Variants in ERBB4 observed in about 807,000 individuals in gnomAD.
The protein encoded by ERBB4 is erb-b2 receptor tyrosine kinase 4.
ERBB4 carries 42 observed loss-of-function variants against 158.0 expected under a neutral mutation model. That is an observed-to-expected ratio of 0.27 (90% CI 0.21 to 0.34). The LOEUF (loss-of-function observed/expected upper bound fraction) is 0.34, where lower values mean the gene tolerates loss of function less well. Ranked by LOEUF, ERBB4 falls within the 10% of genes least tolerant of loss-of-function variation. The probability of loss-of-function intolerance (pLI) is 1.00; values close to 1 mark genes in which losing one functional copy is unlikely to be tolerated. For missense variants in ERBB4, 1,333 were observed against 1,624.1 expected, an observed-to-expected ratio of 0.82 and a Z score of 3.08; for synonymous variants, 583 against 558.7, an observed-to-expected ratio of 1.04 and a Z score of -0.61.
At chr2:211,599,601 G>A (rs958646537) in intron 19 of ERBB4, among the ~76,000 whole-genome samples, 5 of 149,586 alleles carry the variant, frequency 3.3e-5, no homozygotes, top group African/African-American at 1.2e-4. Flanking sequence ...GCATGCAGTT[G>A]TTAAATGTCT....
intron 2 of ERBB4, among the ~76,000 whole-genome samples, chr2:211,973,363 G>C (rs1356257102): frequency 6.6e-6 from 1 of 151,914 alleles, no homozygotes; most frequent in Non-Finnish European, 1.5e-5. Flanking sequence ...CACCACACCT[G>C]GCTAATTTTT....
intron 20 of ERBB4, among the ~76,000 whole-genome samples, chr2:211,511,685 GATCAT>G (rs1328438892): frequency 6.6e-6 from 1 of 151,766 alleles, no homozygotes; most frequent in African/African-American, 2.4e-5. Flanking sequence ...GTTTAATTGT[GATCAT>G]ATCAAAAAAG....
chr2:212,003,447 G>A (rs2076187249), intron 2 of ERBB4, among the ~76,000 whole-genome samples: 1 of 151,766 alleles, frequency 6.6e-6, no homozygotes, highest in South Asian at 2.1e-4. Context: ...GAGATACAGA[G>A]AACACAAGGC....
At chr2:211,976,482 T>C (rs1410085151) in intron 2 of ERBB4, among the ~76,000 whole-genome samples, 4 of 152,074 alleles carry the variant, frequency 2.6e-5, no homozygotes, top group African/African-American at 9.7e-5. Flanking sequence ...TATCATAGAG[T>C]TCCTACAACT....
In ERBB4 at chr2:211,745,074, A is replaced by C. The variant is rs533257458; in HGVS notation, c.622+5565T>G. Reference sequence around the variant, plus strand: ...CATAGCATGTTTTCTGATTTTTTAAAAGTTAAGTCAGGGTCAGATATAAGT... The same window carrying C: ...CATAGCATGTTTTCTGATTTTTTAACAGTTAAGTCAGGGTCAGATATAAGT... On this transcript the variant is annotated intron_variant, in intron 5 of 27. Transcript: ENST00000342788. Among the ~76,000 whole-genome samples the C allele has an allele frequency of 4.6e-5, 7 of 152,318 alleles. No individual in the cohort carries two copies. The South Asian group carries it at 1.4e-3, about 32-fold the overall frequency.
intron 2 of ERBB4, among the ~76,000 whole-genome samples, chr2:212,009,189 A>C (rs966971522): frequency 6.6e-6 from 1 of 152,112 alleles, no homozygotes; most frequent in African/African-American, 2.4e-5. Context: ...CCTGGAACCC[A>C]TGAATGTGAT....
intron 1 of ERBB4, among the ~76,000 whole-genome samples, chr2:212,273,008 G>A (rs1021030203): frequency 2.6e-5 from 4 of 151,412 alleles, no homozygotes; most frequent in Non-Finnish European, 5.9e-5. Context: ...ATTTCTATAA[G>A]GGTACACACT....
At chr2:212,347,253 GTA>G (rs1361676793) in intron 1 of ERBB4, among the ~76,000 whole-genome samples, 2 of 152,064 alleles carry the variant, frequency 1.3e-5, no homozygotes, top group Non-Finnish European at 2.9e-5. Flanking sequence ...AATCTTCAAC[GTA>G]TAAATTATGA....
intron 1 of ERBB4, among the ~76,000 whole-genome samples, chr2:212,451,147 T>A (rs764686841): frequency 6.6e-6 from 1 of 152,096 alleles, no homozygotes; most frequent in Non-Finnish European, 1.5e-5. Context: ...CTCAGTCCAG[T>A]TGGGGAGAAG....
intron 3 of ERBB4, among the ~76,000 whole-genome samples, chr2:211,884,896 T>G (rs2078756617): frequency 6.6e-6 from 1 of 152,158 alleles, no homozygotes; most frequent in South Asian, 2.1e-4. Flanking sequence ...TATAATAAAA[T>G]TAGAGTCAAC....
intron 1 of ERBB4, among the ~76,000 whole-genome samples, chr2:212,324,871 T>TG (rs11428602): frequency 0.69 from 103,581 of 149,812 alleles, 37,569 homozygotes; most frequent in Non-Finnish European, 0.75. Flanking sequence ...ATATTCAGTA[T>TG]GCTCAAAAAT....
At chr2:211,984,749 T>A (rs1465315524) in intron 2 of ERBB4, among the ~76,000 whole-genome samples, 1 of 152,174 alleles carries the variant, frequency 6.6e-6, no homozygotes, top group Non-Finnish European at 1.5e-5. Flanking sequence ...ATTTTTTCTT[T>A]TTTTTTAGAT....
At chr2:212,411,436 C>CA (rs2091496898) in intron 1 of ERBB4, among the ~76,000 whole-genome samples, 1 of 152,104 alleles carries the variant, frequency 6.6e-6, no homozygotes, top group African/African-American at 2.4e-5. Flanking sequence ...TCAAAATAAT[C>CA]AATACACGTA....
intron 1 of ERBB4, among the ~76,000 whole-genome samples, chr2:212,432,768 T>C (rs933362078): frequency 1.3e-5 from 2 of 152,108 alleles, no homozygotes; most frequent in African/African-American, 2.4e-5. Flanking sequence ...GAAAACTCTT[T>C]TAAAGAACGA....
intron 20 of ERBB4, among the ~76,000 whole-genome samples, chr2:211,490,984 T>C (rs190179512): frequency 1.4e-3 from 207 of 152,254 alleles, no homozygotes; most frequent in African/African-American, 4.8e-3. Context: ...AGACTCCTCA[T>C]TCTGAAATCT....
intron 3 of ERBB4, among the ~76,000 whole-genome samples, chr2:211,862,359 A>C (rs2106082571): frequency 6.6e-6 from 1 of 152,326 alleles, no homozygotes; most frequent in South Asian, 2.1e-4. Context: ...AGAAAATAAG[A>C]GTTTTTACAC....
intron 1 of ERBB4, among the ~76,000 whole-genome samples, chr2:212,159,674 A>C (rs1438022723): frequency 6.6e-6 from 1 of 151,870 alleles, no homozygotes; most frequent in African/African-American, 2.4e-5. Context: ...AAGCCTGCAC[A>C]ATTAAAAAAA....
chr2:212,013,173 C>T (rs1438062642), intron 2 of ERBB4, among the ~76,000 whole-genome samples: 1 of 151,904 alleles, frequency 6.6e-6, no homozygotes, highest in Non-Finnish European at 1.5e-5. Flanking sequence ...TCTTCTGTCT[C>T]AGCCTCTCAA....
intron 14 of ERBB4, among the ~76,000 whole-genome samples, chr2:211,670,920 G>A (rs1167778909): frequency 2.6e-5 from 4 of 152,140 alleles, no homozygotes; most frequent in Admixed American, 2.6e-4. Context: ...TGAAGGGACA[G>A]TTGTTGAAGT....
Sources: gnomAD v4.1 joint callset for allele counts (sites outside exome capture counted in the v4.1 genomes callset) on GRCh38, gnomAD v4.1.1 for gene constraint, MANE v1.5 for transcripts, NCBI Gene and HGNC (gene_info 2026-07-23, HGNC 2026-07-21) for gene names.